The following SLC25A27 variants were observed in gnomAD, a reference collection of about 807,000 sequenced individuals.
SLC25A27 encodes mitochondrial uncoupling protein 4.
A neutral mutation model predicts 49.1 loss-of-function variants in SLC25A27; 35 were observed. The observed-to-expected ratio is 0.71, with a 90% CI of 0.54 to 0.95. The LOEUF is 0.95. Ranked by LOEUF, SLC25A27 falls within the 40% of genes least tolerant of loss-of-function variation. The probability of loss-of-function intolerance (pLI) is 0.00; values close to 1 mark genes in which losing one functional copy is unlikely to be tolerated. For synonymous variants in SLC25A27, 144 were observed against 136.9 expected (o/e 1.05, Z -0.36); for missense variants, 339 against 397.1 (o/e 0.85, Z 1.24).
In SLC25A27 at chr6:46,653,057, AG is replaced by A. The variant is rs1373062082; in HGVS notation, c.-135del. On this transcript the variant is annotated 5_prime_UTR_variant, in exon 1 of 9. Coordinates refer to ENST00000371347, the MANE Select transcript of SLC25A27 (RefSeq NM_004277.5). ...GGAAGGTTGCGGGTCCACCCGGCCG[AG>A]CCGAACGAGGGAAATGGTCCTCACC... The A allele has an allele frequency of 2.5e-6, 2 of 805,936 alleles. No individual in the cohort carries two copies. Among genetic ancestry groups the A allele is most frequent in the Non-Finnish European group, 4.0e-6 (2 of 502,146 alleles). 49.9% of individuals were successfully genotyped at this position (805,936 alleles called of 1,614,324 possible).
chr6:46,655,773 C>T, intron 1 of SLC25A27, 70 bp from the exon 2 acceptor site: 1 of 1,330,734 alleles, frequency 7.5e-7, no homozygotes, highest in Non-Finnish European at 1.1e-6. Flanking sequence ...AATATTACTC[C>T]TATGATTTTA....
intron 8 of SLC25A27, among the ~76,000 whole-genome samples, chr6:46,672,996 T>C (rs1281240462): frequency 1.3e-4 from 20 of 152,196 alleles, no homozygotes; most frequent in Admixed American, 1.3e-3. Flanking sequence ...TGATTATACC[T>C]TGAAATTATG....
chr6:46,655,881 A>G lies in SLC25A27; in HGVS notation c.145A>G (p.Met49Val). 1 of 1,613,522 alleles carries G rather than the reference A, an allele frequency of 6.2e-7. No individual in the cohort carries two copies. The highest frequency in any genetic ancestry group is 8.5e-7 in the Non-Finnish European group (1 of 1,179,832). The change falls in exon 2 of 9, where the codon ATG (methionine) becomes GTG (valine). Residue 49 changes from methionine (M) to valine (V), a missense_variant. By Grantham distance (21) the Met-to-Val change is conservative. Coordinates refer to ENST00000371347, the MANE Select transcript of SLC25A27 (RefSeq NM_004277.5). ...GGATCTCACAAAAACTCGACTCCAA[A>G]TGCAAGGAGAAGCAGCTCTTGCTCG... ...PLDLTKTRLQ[M>V]QGEAALARLG...
rs1763864372 is a variant in SLC25A27, at chr6:46,678,039, T to TATATATATATATATATATATATAC, written c.*1608_*1609insCATATATATATATATATATATATA. On this transcript the variant is annotated 3_prime_UTR_variant, in exon 9 of 9. Transcript: ENST00000371347. ...ATTGCGTTGTAAAATATTATATATA[T>TATATATATATATATATATATATAC]ATATATATATATATATATATATATA... 1.6e-5 allele frequency: 1 copy of TATATATATATATATATATATATAC among 60,642 alleles called. No homozygotes were observed. The highest frequency in any genetic ancestry group is 4.3e-4 in the East Asian group (1 of 2,330). 3.8% of individuals were successfully genotyped at this position (60,642 alleles called of 1,614,324 possible).
chr6:46,671,097 AAATT>A (rs1487312826), intron 7 of SLC25A27, 25 bp from the exon 8 acceptor site: 3 of 1,422,600 alleles, frequency 2.1e-6, no homozygotes, highest in Non-Finnish European at 2.9e-6. Context: ...ACACAGAAAA[AAATT>A]AAAAGGATCT....
In SLC25A27 at chr6:46,653,185, A is replaced by G. The variant is rs1404998396; in HGVS notation, c.-8A>G. ...AAGGAGTGCGTTATCGTCTTGCGCT[A>G]CTGCTGAATGTCCGTCCCGGAGGAG... On this transcript the variant is annotated 5_prime_UTR_variant, in exon 1 of 9. Transcript: ENST00000371347. 9 of 1,611,318 alleles carry G rather than the reference A, an allele frequency of 5.6e-6. No homozygotes were observed. The highest frequency in any genetic ancestry group is 5.9e-6 in the Non-Finnish European group (7 of 1,178,372).
At chr6:46,666,674 G>T (rs1201636869) in intron 5 of SLC25A27, among the ~76,000 whole-genome samples, 1 of 151,886 alleles carries the variant, frequency 6.6e-6, no homozygotes, top group Non-Finnish European at 1.5e-5. Context: ...TCTTCTTTTG[G>T]ATATCTCAAG....
chr6:46,663,917 T>G (rs532041225), intron 4 of SLC25A27, among the ~76,000 whole-genome samples: 18 of 152,374 alleles, frequency 1.2e-4, no homozygotes, highest in African/African-American at 4.1e-4. Context: ...AGTATTAACA[T>G]GCATCTCATG....
intron 6 of SLC25A27, among the ~76,000 whole-genome samples, chr6:46,669,893 TTGTTCAC>T (rs1240477062): frequency 1.1e-4 from 16 of 152,216 alleles, no homozygotes; most frequent in Non-Finnish European, 2.1e-4. Flanking sequence ...CTTACCTGTC[TTGTTCAC>T]TGCCTAGAAG....
At chr6:46,659,988 A>G (rs943984098) in intron 3 of SLC25A27, among the ~76,000 whole-genome samples, 2 of 152,094 alleles carry the variant, frequency 1.3e-5, no homozygotes, top group Non-Finnish European at 2.9e-5. Flanking sequence ...CCCGGTATCC[A>G]GAGTGATTTA....
intron 5 of SLC25A27, among the ~76,000 whole-genome samples, chr6:46,667,321 T>C (rs1763357311): frequency 6.6e-6 from 1 of 152,194 alleles, no homozygotes; most frequent in Non-Finnish European, 1.5e-5. Flanking sequence ...CAAGTCGTCA[T>C]CATCGCTTAC....
In SLC25A27 at chr6:46,678,065, T is replaced by TATATATATATATGC. The variant is rs1763868217; in HGVS notation, c.*1611_*1612insATATATATATATGC. The TATATATATATATGC allele has an allele frequency of 7.3e-6, 1 of 136,940 alleles. No individual in the cohort carries two copies. Among genetic ancestry groups the TATATATATATATGC allele is most frequent in the African/African-American group, 2.7e-5 (1 of 37,408 alleles). The allele number at this position is 136,940 out of a possible 1,614,324, so 8.5% of individuals were successfully genotyped here. ...ATATATATATATATATATATATATATGCTTAACTTCCCAAGTGTTCTGCAT... is the reference window on the plus strand; with the variant it reads ...ATATATATATATATATATATATATATATATATATATATGCGCTTAACTTCCCAAGTGTTCTGCAT... On this transcript the variant is annotated 3_prime_UTR_variant, in exon 9 of 9. Transcript: ENST00000371347.
At chr6:46,660,764 C>T (rs1370940463) in intron 3 of SLC25A27, among the ~76,000 whole-genome samples, 2 of 152,106 alleles carry the variant, frequency 1.3e-5, no homozygotes, top group African/African-American at 4.8e-5. Flanking sequence ...ACCTTTCAGG[C>T]AACATTTCTT....
chr6:46,655,733 C>A, intron 1 of SLC25A27, 110 bp from the exon 2 acceptor site: 1 of 905,194 alleles, frequency 1.1e-6, no homozygotes, highest in Non-Finnish European at 1.7e-6. Context: ...CTGATATATT[C>A]TAAAATTTGA....
Position 46,652,984 on chromosome 6 carries a change from T to A in SLC25A27, c.-209T>A, listed in dbSNP as rs1008815756. On this transcript the variant is annotated 5_prime_UTR_variant, in exon 1 of 9. Transcript: ENST00000371347. ...CCTCCTGGGCTCCGCTGTGTTTTTC[T>A]ATTCTGGGGTGTAAGGGGCAGCTGG... The A allele has an allele frequency of 1.4e-5, 8 of 584,370 alleles. No individual in the cohort carries two copies. The highest frequency in any genetic ancestry group is 2.4e-5 in the Non-Finnish European group (8 of 329,736). 36.2% of individuals were successfully genotyped at this position (584,370 alleles called of 1,614,324 possible).
chr6:46,660,968 G>A (rs775620602), intron 3 of SLC25A27, among the ~76,000 whole-genome samples: 2 of 152,156 alleles, frequency 1.3e-5, no homozygotes, highest in Non-Finnish European at 1.5e-5. Context: ...GACCCAATCA[G>A]AACAATTCAT....
rs1162916641 is a variant in SLC25A27, at chr6:46,655,918, G to T, written c.182G>T (p.Gly61Val). ...GCAGCTCTTGCTCGGTTGGGAGACG[G>T]TGCAAGAGAATCTGCCCCCTATAGG... ...GEAALARLGD[G>V]ARESAPYRGM... The change falls in exon 2 of 9, where the codon GGT becomes GTT. Residue 61 changes from glycine to valine, a missense_variant. Coordinates refer to ENST00000371347, the MANE Select transcript of SLC25A27 (RefSeq NM_004277.5). The T allele has an allele frequency of 1.2e-6, 2 of 1,613,886 alleles. No homozygotes were observed. The highest frequency in any genetic ancestry group is 2.2e-5 in the East Asian group (1 of 44,836).
chr6:46,667,630 A>G (rs1193081340), intron 5 of SLC25A27, among the ~76,000 whole-genome samples: 1 of 152,156 alleles, frequency 6.6e-6, no homozygotes, highest in Non-Finnish European at 1.5e-5. Context: ...AATTTCTCTT[A>G]GCTATCTACA....
At chr6:46,653,551 T>G (rs371129657) in intron 1 of SLC25A27, 1 of 985,460 alleles carries the variant, frequency 1.0e-6, no homozygotes. Context: ...TGTTGTACTT[T>G]AAGAAGCTTC....
Sources: allele counts gnomAD v4.1 joint callset (sites outside exome capture counted in the v4.1 genomes callset), GRCh38; gene constraint gnomAD v4.1.1; transcripts MANE v1.5; gene names NCBI Gene and HGNC (gene_info 2026-07-23, HGNC 2026-07-21).